Variants in CCDC77 observed in about 807,000 individuals in gnomAD.
The protein encoded by CCDC77 is coiled-coil domain-containing protein 77.
Under a neutral mutation model 66.8 loss-of-function variants are expected in CCDC77, and 56 were observed. That is an observed-to-expected ratio of 0.84 (90% CI 0.68 to 1.05). The LOEUF is 1.05. CCDC77 is among the 50% of genes least tolerant of loss of function. The pLI is 0.00. For synonymous variants in CCDC77, 196 were observed against 195.2 expected (o/e 1.00, Z -0.03); for missense variants, 570 against 576.8 (o/e 0.99, Z 0.12).
chr12:437,922 C>T (rs1228230931), intron 9 of CCDC77, among the ~76,000 whole-genome samples: 1 of 150,928 alleles, frequency 6.6e-6, no homozygotes, highest in African/African-American at 2.4e-5. Context: ...CTACATGGAG[C>T]ACAGCATACA....
At chr12:405,822 A>T (rs986293737) in intron 2 of CCDC77, among the ~76,000 whole-genome samples, 5 of 152,168 alleles carry the variant, frequency 3.3e-5, no homozygotes, top group Non-Finnish European at 5.9e-5. Context: ...TACAGCAGTG[A>T]ACATAATAGA....
intron 9 of CCDC77, among the ~76,000 whole-genome samples, chr12:434,387 CTGT>C: frequency 6.7e-6 from 1 of 148,742 alleles, no homozygotes; most frequent in East Asian, 2.0e-4. Context: ...AAGTCTCACT[CTGT>C]CGCCCAGGCT....
chr12:398,944 G>A (rs1225205803), upstream of CCDC77, among the ~76,000 whole-genome samples: 1 of 151,650 alleles, frequency 6.6e-6, no homozygotes, highest in Non-Finnish European at 1.5e-5. Flanking sequence ...ATAGAGACAA[G>A]GTTTTCTATG....
In CCDC77 at chr12:433,213, C is replaced by T. The variant is rs768129916; in HGVS notation, c.712C>T (p.Leu238Phe). ...GGCTCAGCTGGGAGAGCAGACCAAA[C>T]TTTCTCGAGAACAAATTGAAGGGCT... ...LQAQLGEQTK[L>F]SREQIEGLIE... Residue 238 changes from leucine to phenylalanine, a missense_variant, in exon 9 of 13, where the codon CTT (leucine) becomes TTT (phenylalanine). Leu to Phe is a conservative substitution (Grantham distance 22, BLOSUM62 0). Coordinates refer to ENST00000239830, the MANE Select transcript of CCDC77 (RefSeq NM_032358.4). 6.2e-7 allele frequency: 1 copy of T among 1,614,016 alleles called. No individual in the cohort carries two copies. The highest frequency in any genetic ancestry group is 8.5e-7 in the Non-Finnish European group (1 of 1,179,968).
rs776360187 is a variant in CCDC77, at chr12:418,489, T to A, written c.271-5T>A. The A allele has an allele frequency of 6.2e-7, 1 of 1,614,078 alleles. No individual in the cohort carries two copies. Among genetic ancestry groups the A allele is most frequent in the Non-Finnish European group, 8.5e-7 (1 of 1,179,938 alleles). ...TTCAACTATCTTATTGTGGTTTTTT[T>A]GCAGCATAAACTTGAATGTGATTTG... is the stretch of plus-strand genomic sequence containing the variant. On this transcript the variant is annotated splice_region_variant and splice_polypyrimidine_tract_variant and intron_variant, in intron 4 of 12. Transcript: ENST00000239830.
chr12:414,626 C>A (rs1332435191), intron 4 of CCDC77, among the ~76,000 whole-genome samples: 1 of 152,196 alleles, frequency 6.6e-6, no homozygotes, highest in Non-Finnish European at 1.5e-5. Context: ...CTCCCTTCCC[C>A]ACCCGCACAT....
rs568363720 is a variant in CCDC77 at position 422,785 on chromosome 12, T to C, written c.413+4149T>C. Among the ~76,000 whole-genome samples, 20 of 152,290 alleles carry C rather than the reference T, an allele frequency of 1.3e-4. No homozygotes were observed. In the East Asian group the frequency reaches 3.9e-3, roughly 29 times the overall value. Reference sequence around the variant, plus strand: ...GCCAACATGTCTGGCTAATTTTTTTTGTAATTTCTGTAGAGACAGGGTTCT... The same window carrying C: ...GCCAACATGTCTGGCTAATTTTTTTCGTAATTTCTGTAGAGACAGGGTTCT... On this transcript the variant is annotated intron_variant, in intron 5 of 12. Coordinates refer to ENST00000239830, the MANE Select transcript of CCDC77 (RefSeq NM_032358.4).
At chr12:406,533 A>G (rs1387282801) in intron 2 of CCDC77, among the ~76,000 whole-genome samples, 1 of 152,216 alleles carries the variant, frequency 6.6e-6, no homozygotes, top group Admixed American at 6.5e-5. Context: ...GGCAATTTTA[A>G]AGACCTTGAC....
rs2137603322 is a variant in CCDC77 at position 430,740 on chromosome 12, A to G, written c.583+4A>G. 1.2e-6 allele frequency: 2 copies of G among 1,603,738 alleles called. No homozygotes were observed. The highest frequency in any genetic ancestry group is 4.5e-5 in the East Asian group (2 of 44,830). On this transcript the variant is annotated splice_donor_region_variant and intron_variant, in intron 7 of 12. Transcript: ENST00000239830. ...GAATCTTCAGCTTTCAAAGCAGGTA[A>G]CAACCATATAACCTATTAGAAATTC...
At chr12:439,470 A>G (rs1389094207) in intron 10 of CCDC77, among the ~76,000 whole-genome samples, 1 of 150,840 alleles carries the variant, frequency 6.6e-6, no homozygotes, top group Non-Finnish European at 1.5e-5. Context: ...CAGTGAGCTG[A>G]GATCATGCGA....
upstream of CCDC77, among the ~76,000 whole-genome samples, chr12:398,800 C>T (rs1438982294): frequency 6.6e-6 from 1 of 151,352 alleles, no homozygotes; most frequent in Non-Finnish European, 1.5e-5. Context: ...TGCTCTGTCA[C>T]TCAGGCTGGA....
chr12:389,831 T>C (rs1174543304), intron 1 of CCDC77: 2 of 152,880 alleles, frequency 1.3e-5, no homozygotes, highest in Non-Finnish European at 2.9e-5. Flanking sequence ...GCCCTTTGAA[T>C]GCAGATATTT....
chr12:419,169 T>C (rs1371127125), intron 5 of CCDC77, among the ~76,000 whole-genome samples: 2 of 152,230 alleles, frequency 1.3e-5, no homozygotes, highest in Non-Finnish European at 2.9e-5. Flanking sequence ...GAACGGATAC[T>C]GTGGTAACAG....
rs557875542 is a variant in CCDC77 at position 391,479 on chromosome 12, A to G, written c.-113+1993A>G. ...TCCAAAAAAAAAAAAATTTACAACA[A>G]AGTCTTTGATTTTTACCACTTAAAT... On this transcript the variant is annotated intron_variant, in intron 1 of 11. Transcript: ENST00000422000. 5.3e-5 allele frequency among the ~76,000 whole-genome samples: 8 copies of G among 152,262 alleles called. No individual in the cohort carries two copies. In the South Asian group the frequency reaches 1.7e-3, roughly 32 times the overall value.
upstream of CCDC77, among the ~76,000 whole-genome samples, chr12:397,980 T>A (rs995399116): frequency 2.6e-5 from 4 of 152,096 alleles, no homozygotes; most frequent in Non-Finnish European, 5.9e-5. Flanking sequence ...CTAATGATCG[T>A]CTAAGCCAAG....
chr12:430,792 G>GCCTGCACTGTGAT, intron 7 of CCDC77, 56 bp downstream of exon 7: 3 of 1,426,490 alleles, frequency 2.1e-6, no homozygotes, highest in Non-Finnish European at 3.0e-6. Flanking sequence ...GAAAATCACA[G>GCCTGCACTGTGAT]TGCAGGCTGG....
At chr12:416,877 G>A (rs1945296707) in intron 4 of CCDC77, among the ~76,000 whole-genome samples, 1 of 77,790 alleles carries the variant, frequency 1.3e-5, no homozygotes, top group South Asian at 5.5e-4. Context: ...GGAGGCCGAG[G>A]CCGGCGGATC....
chr12:400,532 T>C (rs1248500040), upstream of CCDC77, among the ~76,000 whole-genome samples: 2 of 152,066 alleles, frequency 1.3e-5, no homozygotes, highest in African/African-American at 2.4e-5. Flanking sequence ...CACTGTAGGA[T>C]TGTTAATTGG....
At chr12:396,968 G>A (rs149607909), upstream of CCDC77, among the ~76,000 whole-genome samples, 68 of 152,256 alleles carry the variant, frequency 4.5e-4, no homozygotes, top group African/African-American at 1.4e-3. Flanking sequence ...GTGCAACAGC[G>A]TGATCTCAGC....
Sources: gnomAD v4.1 joint callset for allele counts (sites outside exome capture counted in the v4.1 genomes callset) on GRCh38, gnomAD v4.1.1 for gene constraint, MANE v1.5 for transcripts, NCBI Gene and HGNC (gene_info 2026-07-23, HGNC 2026-07-21) for gene names.